The following ARHGAP44 variants were observed in gnomAD, a reference collection of about 807,000 sequenced individuals.
ARHGAP44 encodes rho GTPase-activating protein 44.
In ARHGAP44, 43 loss-of-function variants were observed where a neutral mutation model predicts 106.8. That is an observed-to-expected ratio of 0.40 (90% CI 0.32 to 0.52). ARHGAP44 has a LOEUF of 0.52. Among genes scored for constraint, ARHGAP44 ranks in the 20% least tolerant of loss-of-function variants. The pLI is 0.48. For synonymous variants in ARHGAP44, 439 were observed against 410.3 expected, an observed-to-expected ratio of 1.07 and a Z score of -0.85; for missense variants, 866 against 1,050.5, an observed-to-expected ratio of 0.82 and a Z score of 2.43.
chr17:12,868,591 TTATATATATATATATATATATATATA>T (rs1209692482), intron 1 of ARHGAP44, among the ~76,000 whole-genome samples: 1 of 47,142 alleles, frequency 2.1e-5, no homozygotes, highest in African/African-American at 6.5e-5. Context: ...TATATGCATT[TTATATATATATATATATATATATATA>T]TATATATATA....
At chr17:12,982,418 T>A (rs985527550) in intron 19 of ARHGAP44, among the ~76,000 whole-genome samples, 6 of 151,770 alleles carry the variant, frequency 4.0e-5, no homozygotes, top group Admixed American at 1.3e-4. Flanking sequence ...ATCACAGACA[T>A]GGTGATGCAT....
chr17:12,791,761 G>A (rs2033767915), intron 1 of ARHGAP44, among the ~76,000 whole-genome samples: 1 of 152,152 alleles, frequency 6.6e-6, no homozygotes, highest in African/African-American at 2.4e-5. Flanking sequence ...CCAAGCAGCT[G>A]GTTACCAAGA....
chr17:12,931,132 C>T (rs1163186958), intron 7 of ARHGAP44, among the ~76,000 whole-genome samples: 8 of 152,100 alleles, frequency 5.3e-5, no homozygotes, highest in African/African-American at 1.9e-4. Flanking sequence ...AGTACAGTGG[C>T]GTGATCTCGG....
In ARHGAP44 at chr17:12,962,147, G is replaced by T. The variant is rs1295959188; in HGVS notation, c.1523+3250G>T. ...TATTTAAAAAGAAGAAAATTGAGGG[G>T]CAGAAAAACTGGGTAAAATTGCAAA... On this transcript the variant is annotated intron_variant, in intron 16 of 20. Coordinates refer to ENST00000379672, the MANE Select transcript of ARHGAP44 (RefSeq NM_014859.6). 2.0e-5 allele frequency among the ~76,000 whole-genome samples: 3 copies of T among 152,114 alleles called. No homozygotes were observed. The East Asian group carries it at 5.8e-4, about 29-fold the overall frequency.
rs766941988 is a variant in ARHGAP44 at position 12,944,139 on chromosome 17, C to A, written c.804C>A (p.Ile268=). 1.2e-6 allele frequency: 2 copies of A among 1,612,774 alleles called. No individual in the cohort carries two copies. Among genetic ancestry groups the A allele is most frequent in the Non-Finnish European group, 1.7e-6 (2 of 1,179,776 alleles). Residue 268 remains isoleucine (I), a synonymous_variant, in exon 10 of 21, where the codon ATC becomes ATA. Transcript: ENST00000379672. ...EEHLTISGRE[I]AFPIEACVTM... ...ACCTCACCATCAGCGGCCGGGAGAT[C>A]GCCTTCCCCATCGAGGCGTGTGTGA...
chr17:12,856,576 T>C (rs990863880), intron 1 of ARHGAP44, among the ~76,000 whole-genome samples: 1 of 152,196 alleles, frequency 6.6e-6, no homozygotes, highest in Non-Finnish European at 1.5e-5. Context: ...AAGTTTTTAT[T>C]TGGGGATTGC....
intron 1 of ARHGAP44, among the ~76,000 whole-genome samples, chr17:12,796,475 G>A (rs1230097783): frequency 6.6e-6 from 1 of 152,188 alleles, no homozygotes; most frequent in Non-Finnish European, 1.5e-5. Context: ...TACTTTCACT[G>A]CAGCCTTGAA....
intron 4 of ARHGAP44, among the ~76,000 whole-genome samples, chr17:12,915,419 C>T (rs1401745638): frequency 6.6e-6 from 1 of 152,148 alleles, no homozygotes; most frequent in African/African-American, 2.4e-5. Context: ...GTCGTTTGCT[C>T]ATTATTAATC....
At chr17:12,808,994 G>A (rs2034361351) in intron 1 of ARHGAP44, among the ~76,000 whole-genome samples, 3 of 152,290 alleles carry the variant, frequency 2.0e-5, no homozygotes, top group South Asian at 2.1e-4. Context: ...AATTTATTCT[G>A]TCAGATGCAC....
At chr17:12,973,671 C>G in intron 17 of ARHGAP44, 1 of 479,926 alleles carries the variant, frequency 2.1e-6, no homozygotes. Flanking sequence ...GCCCCTCCCA[C>G]CTCGTCTTGC....
chr17:12,974,437 T>C (rs1295651324), intron 18 of ARHGAP44, 127 bp downstream of exon 18: 1 of 856,718 alleles, frequency 1.2e-6, no homozygotes, highest in Non-Finnish European at 1.6e-6. Context: ...TAAGCATTCA[T>C]ATTTGGCTTC....
At chr17:12,928,856 T>G (rs999736964) in intron 6 of ARHGAP44, 73 bp from the exon 7 acceptor site, 3 of 1,332,370 alleles carry the variant, frequency 2.3e-6, no homozygotes, top group Non-Finnish European at 3.1e-6. Flanking sequence ...TAACCAGATG[T>G]TTTCTCAGTG....
intron 1 of ARHGAP44, among the ~76,000 whole-genome samples, chr17:12,873,912 AATAAATAAATAAATAAAC>A (rs2036474447): frequency 2.0e-4 from 3 of 14,780 alleles, no homozygotes; most frequent in Admixed American, 1.5e-3. Flanking sequence ...TCAAAAAATA[AATAAATAAATAAATAAAC>A]AAATAAATAA....
At chr17:12,917,116 C>A (rs1290520980) in intron 5 of ARHGAP44, among the ~76,000 whole-genome samples, 1 of 152,204 alleles carries the variant, frequency 6.6e-6, no homozygotes, top group Admixed American at 6.5e-5. Context: ...TATATAAAAT[C>A]TAACCAGCAC....
At chr17:12,872,436 C>T (rs927058416) in intron 1 of ARHGAP44, among the ~76,000 whole-genome samples, 5 of 85,584 alleles carry the variant, frequency 5.8e-5, no homozygotes, top group Non-Finnish European at 1.2e-4. Flanking sequence ...TCTTGGAGTA[C>T]ATTCTCAAGA....
intron 1 of ARHGAP44, among the ~76,000 whole-genome samples, chr17:12,826,310 T>C (rs980994021): frequency 9.8e-5 from 15 of 152,304 alleles, no homozygotes; most frequent in Middle Eastern, 6.8e-3. Context: ...AAATTTGTTT[T>C]CTTGTAATTC....
At chr17:12,935,301 C>A (rs1598081716) in intron 7 of ARHGAP44, among the ~76,000 whole-genome samples, 1 of 152,104 alleles carries the variant, frequency 6.6e-6, no homozygotes, top group Admixed American at 6.5e-5. Flanking sequence ...GGGCCGGGTG[C>A]GGTGGCTCAC....
chr17:12,990,471 A>C lies in ARHGAP44; in HGVS notation c.*300A>C. On this transcript the variant is annotated 3_prime_UTR_variant, in exon 21 of 21. Coordinates refer to ENST00000379672, the MANE Select transcript of ARHGAP44 (RefSeq NM_014859.6). ...CATGCCAGAAAACACCCACCTCTCC[A>C]TCCAAGGCTGGTCAGGAACGTCCTT... The C allele has an allele frequency of 6.3e-6, 2 of 318,570 alleles. No homozygotes were observed. The highest frequency in any genetic ancestry group is 6.2e-6 in the Non-Finnish European group (1 of 161,448). 19.7% of individuals were successfully genotyped at this position (318,570 alleles called of 1,614,324 possible). A position where few individuals can be genotyped will look rare whatever the true frequency, so the allele number is the denominator to read the frequency against.
intron 8 of ARHGAP44, among the ~76,000 whole-genome samples, chr17:12,941,387 G>A (rs901713466): frequency 6.6e-6 from 1 of 152,110 alleles, no homozygotes; most frequent in African/African-American, 2.4e-5. Context: ...TTCTCTTGGT[G>A]GGCAGTTGGC....
Sources: gnomAD v4.1 joint callset for allele counts (sites outside exome capture counted in the v4.1 genomes callset) on GRCh38, gnomAD v4.1.1 for gene constraint, MANE v1.5 for transcripts, NCBI Gene and HGNC (gene_info 2026-07-23, HGNC 2026-07-21) for gene names.